GRIN2B: variants seen among roughly 807,000 people sequenced by gnomAD.
GRIN2B encodes the protein glutamate ionotropic receptor NMDA type subunit 2B, also known as glutamate receptor ionotropic, NMDA 2B.
GRIN2B carries 5 observed loss-of-function variants against 114.5 expected under a neutral mutation model. That is an observed-to-expected ratio of 0.04 (90% CI 0.02 to 0.09). GRIN2B has a LOEUF of 0.09. Among genes scored for constraint, GRIN2B ranks in the 10% least tolerant of loss-of-function variants. GRIN2B has a pLI of 1.00. For missense variants in GRIN2B, 1,108 were observed against 1,943.5 expected (o/e 0.57, Z 8.08); for synonymous variants, 787 against 745.1 (o/e 1.06, Z -0.92).
chr12:13,953,211 G>A (rs1046226764), intron 2 of GRIN2B, among the ~76,000 whole-genome samples: 4 of 152,116 alleles, frequency 2.6e-5, no homozygotes, highest in South Asian at 4.1e-4. Flanking sequence ...CAAATGAACC[G>A]AGGGAACCAG....
chr12:13,836,812 C>G (rs1271755970), intron 3 of GRIN2B, among the ~76,000 whole-genome samples: 1 of 152,132 alleles, frequency 6.6e-6, no homozygotes, highest in African/African-American at 2.4e-5. Flanking sequence ...GAAGGAGAAG[C>G]AAATGGTCCC....
intron 3 of GRIN2B, among the ~76,000 whole-genome samples, chr12:13,769,433 G>A (rs374269475): frequency 7.6e-4 from 116 of 151,960 alleles, no homozygotes; most frequent in African/African-American, 2.7e-3. Context: ...TCAGTGTTTC[G>A]TGCATATGCT....
At chr12:13,665,981 A>C (rs1196105058) in intron 5 of GRIN2B, among the ~76,000 whole-genome samples, 2 of 152,138 alleles carry the variant, frequency 1.3e-5, no homozygotes, top group South Asian at 2.1e-4. Context: ...ATGAAGAAAA[A>C]CGAGTACATA....
At position 13,562,798 on chromosome 12, in the gene GRIN2B, A is replaced by T. The variant is rs1427283813; in HGVS notation, c.4440T>A (p.Ile1480=). The T allele has an allele frequency of 6.8e-6, 11 of 1,613,916 alleles. No homozygotes were observed. The highest frequency in any genetic ancestry group is 9.3e-6 in the Non-Finnish European group (11 of 1,179,858). The stretch of plus-strand genomic sequence containing the variant: ...GTTCCCTCACTCAGACATCAGACTC[A>T]ATACTAGAAAGTTTCTCATAAACAT... ...NGHVYEKLSS[I]ESDV Residue 1480 remains isoleucine (I), a synonymous_variant, in exon 14 of 14, where the codon ATT becomes ATA. Coordinates refer to ENST00000609686, the MANE Select transcript of GRIN2B (RefSeq NM_000834.5).
At position 13,573,248 on chromosome 12, in the gene GRIN2B, G is replaced by A. The variant is rs1483185944; in HGVS notation, c.2011-1284C>T. Reference sequence around the variant, plus strand: ...GGGCGGATCACGAGGTCAGGAGATCGAGACCATCCTGGCTAACATGGTGAA... The same window carrying A: ...GGGCGGATCACGAGGTCAGGAGATCAAGACCATCCTGGCTAACATGGTGAA... On this transcript the variant is annotated intron_variant, in intron 10 of 13. Transcript: ENST00000609686. Among the ~76,000 whole-genome samples, 5 of 149,300 alleles carry A rather than the reference G, an allele frequency of 3.3e-5. 1 individual carries two copies. Among genetic ancestry groups the A allele is most frequent in the African/African-American group, 5.0e-5 (2 of 40,112 alleles).
At chr12:13,609,773 A>C (rs1354322295) in intron 9 of GRIN2B, among the ~76,000 whole-genome samples, 19 of 91,068 alleles carry the variant, frequency 2.1e-4, no homozygotes, top group Admixed American at 5.0e-4. Flanking sequence ...ACTCTGTCTC[A>C]AAAAAAAAAA....
At chr12:13,603,089 T>C (rs969335092) in intron 10 of GRIN2B, among the ~76,000 whole-genome samples, 1 of 152,074 alleles carries the variant, frequency 6.6e-6, no homozygotes, top group African/African-American at 2.4e-5. Flanking sequence ...TTCTCCACCA[T>C]CCAACAGTAG....
At chr12:13,716,810 T>C (rs2136587623) in intron 4 of GRIN2B, among the ~76,000 whole-genome samples, 1 of 152,024 alleles carries the variant, frequency 6.6e-6, no homozygotes, top group Admixed American at 6.6e-5. Context: ...TATAGTAGTG[T>C]TAGTTTCATA....
intron 2 of GRIN2B, among the ~76,000 whole-genome samples, chr12:13,876,437 ACTT>A (rs1846746267): frequency 6.6e-6 from 1 of 152,050 alleles, no homozygotes; most frequent in African/African-American, 2.4e-5. Flanking sequence ...GAGTCAAAGA[ACTT>A]CTGCCCTCCC....
At chr12:13,757,421 A>C (rs1034232832) in intron 3 of GRIN2B, among the ~76,000 whole-genome samples, 6 of 152,258 alleles carry the variant, frequency 3.9e-5, no homozygotes, top group Admixed American at 1.3e-4. Context: ...GTGTGCATCG[A>C]GTAGAAAGGA....
rs531273886 is a variant in GRIN2B at position 13,585,134 on chromosome 12, C to CT, written c.2011-13171dup. ...GAGGAGATAAAGAAGATAAAGAAGACTACCAAGATTTCCACATGCAAGATT... is the reference window on the plus strand; with the variant it reads ...GAGGAGATAAAGAAGATAAAGAAGACTTACCAAGATTTCCACATGCAAGATT... On this transcript the variant is annotated intron_variant, in intron 10 of 13. Transcript: ENST00000609686. 1.3e-3 allele frequency among the ~76,000 whole-genome samples: 192 copies of CT among 152,324 alleles called. 1 individual carries two copies. The highest frequency in any genetic ancestry group is 4.1e-4 in the Non-Finnish European group (28 of 68,030).
chr12:13,601,631 G>T (rs1037772671), intron 10 of GRIN2B, among the ~76,000 whole-genome samples: 2 of 151,994 alleles, frequency 1.3e-5, no homozygotes, highest in Non-Finnish European at 2.9e-5. Flanking sequence ...CAAGGTAGTA[G>T]AGCTTAGAGG....
In GRIN2B at chr12:13,622,375, T is replaced by C. The variant is rs1325869094; in HGVS notation, c.1126-5718A>G. Among the ~76,000 whole-genome samples the C allele has an allele frequency of 4.6e-5, 7 of 152,284 alleles. No individual in the cohort carries two copies. The South Asian group carries it at 1.5e-3, about 32-fold the overall frequency. On this transcript the variant is annotated intron_variant, in intron 5 of 13. Transcript: ENST00000609686. ...GCAGCCTAAATTCTGCATCCCATTC[T>C]GTCCTGCAGCCCCGGGGCAGGCCTC...
intron 2 of GRIN2B, among the ~76,000 whole-genome samples, chr12:13,952,028 C>T (rs190050683): frequency 6.6e-6 from 1 of 151,732 alleles, no homozygotes; most frequent in African/African-American, 2.4e-5. Flanking sequence ...GTATATATAG[C>T]AGTAAGAGAG....
intron 2 of GRIN2B, among the ~76,000 whole-genome samples, chr12:13,866,904 A>G (rs2136748419): frequency 6.6e-6 from 1 of 152,324 alleles, no homozygotes; most frequent in African/African-American, 2.4e-5. Flanking sequence ...TATTATCACC[A>G]TTTTTATAAA....
intron 4 of GRIN2B, among the ~76,000 whole-genome samples, chr12:13,685,239 A>G (rs546197014): frequency 1.8e-4 from 28 of 152,288 alleles, no homozygotes; most frequent in African/African-American, 6.7e-4. Flanking sequence ...CACACAGGAA[A>G]TATCTCCATA....
intron 3 of GRIN2B, among the ~76,000 whole-genome samples, chr12:13,788,439 A>T (rs1864257318): frequency 6.6e-6 from 1 of 152,194 alleles, no homozygotes; most frequent in African/African-American, 2.4e-5. Flanking sequence ...AGGCATAAAG[A>T]CCTTATTAAT....
chr12:13,658,558 C>G (rs1243916591), intron 5 of GRIN2B, among the ~76,000 whole-genome samples: 1 of 151,978 alleles, frequency 6.6e-6, no homozygotes, highest in African/African-American at 2.4e-5. Flanking sequence ...GTCTTTTAAG[C>G]GGCCAATAAT....
chr12:13,798,028 G>A (rs1864445895), intron 3 of GRIN2B, among the ~76,000 whole-genome samples: 1 of 152,308 alleles, frequency 6.6e-6, no homozygotes, highest in East Asian at 1.9e-4. Flanking sequence ...CTATGATTCT[G>A]AAGCCTAAGA....
Sources: allele counts gnomAD v4.1 joint callset (sites outside exome capture counted in the v4.1 genomes callset), GRCh38; gene constraint gnomAD v4.1.1; transcripts MANE v1.5; gene names NCBI Gene and HGNC (gene_info 2026-07-23, HGNC 2026-07-21).